LASP1: variants seen among roughly 807,000 people sequenced by gnomAD.
The protein encoded by LASP1 is LIM and SH3 domain protein 1.
A neutral mutation model predicts 38.6 loss-of-function variants in LASP1; 10 were observed. The observed-to-expected ratio is 0.26, with a 90% CI of 0.16 to 0.44. LASP1 has a LOEUF of 0.44. Ranked by LOEUF, LASP1 falls within the 20% of genes least tolerant of loss-of-function variation. The probability of loss-of-function intolerance (pLI) is 1.00; values close to 1 mark genes in which losing one functional copy is unlikely to be tolerated. For missense variants in LASP1, 243 were observed against 375.7 expected (o/e 0.65, Z 2.92); for synonymous variants, 132 against 140.8 (o/e 0.94, Z 0.44).
intron 2 of LASP1, among the ~76,000 whole-genome samples, chr17:38,883,243 G>A (rs1398929091): frequency 6.6e-6 from 1 of 152,100 alleles, no homozygotes; most frequent in Non-Finnish European, 1.5e-5. Context: ...AGCCGAGTGT[G>A]GTGGTGTGGG....
chr17:38,890,273 G>A, intron 2 of LASP1, 147 bp from the exon 3 acceptor site: 1 of 658,450 alleles, frequency 1.5e-6, no homozygotes, highest in Non-Finnish European at 2.7e-6. Context: ...CGGCCTTGGT[G>A]GTGGACACTG....
chr17:38,891,901 C>T (rs1914336395), intron 3 of LASP1, among the ~76,000 whole-genome samples: 1 of 151,948 alleles, frequency 6.6e-6, no homozygotes, highest in Non-Finnish European at 1.5e-5. Flanking sequence ...TCGAGACCAG[C>T]TGGGGCAACA....
In LASP1 at chr17:38,875,056, C is replaced by CGTGTGTGTGTGTGTGTGTGT. The variant is rs3220064; in HGVS notation, c.70-3016_70-2997dup. 9.8e-3 allele frequency among the ~76,000 whole-genome samples: 1,376 copies of CGTGTGTGTGTGTGTGTGTGT among 140,326 alleles called. 14 individuals are homozygous for CGTGTGTGTGTGTGTGTGTGT. The highest frequency in any genetic ancestry group is 0.046 in the East Asian group (210 of 4,540). 92.1% of individuals were successfully genotyped at this position (140,326 alleles called of 152,430 possible). On this transcript the variant is annotated intron_variant, in intron 1 of 6. Coordinates refer to ENST00000318008, the MANE Select transcript of LASP1 (RefSeq NM_006148.4). ...GGTCCTAGGACAGTGTGTAGCCCTT[C>CGTGTGTGTGTGTGTGTGTGT]GTGTGTGTGTGTGTGTGTGTGTGTG...
intron 4 of LASP1, among the ~76,000 whole-genome samples, 177 bp from the exon 5 acceptor site, chr17:38,914,148 T>C (rs530070637): frequency 6.6e-6 from 1 of 152,302 alleles, no homozygotes; most frequent in Admixed American, 6.5e-5. Flanking sequence ...AAACTGAGGC[T>C]TGGCAAGATT....
Position 38,870,240 on chromosome 17 carries a change from G to A in LASP1, c.51G>A (p.Lys17=), listed in dbSNP as rs1913558006. 6.2e-7 allele frequency: 1 copy of A among 1,613,634 alleles called. No individual in the cohort carries two copies. Among genetic ancestry groups the A allele is most frequent in the Non-Finnish European group, 8.5e-7 (1 of 1,179,764 alleles). Residue 17 remains lysine (K), a synonymous_variant, in exon 1 of 7, where the codon AAG becomes AAA. Transcript: ENST00000318008. ...RCGKIVYPTE[K]VNCLDKFWHK... is the part of the protein sequence containing the mutation. ...GCAAGATCGTGTATCCCACGGAGAA[G>A]GTGAACTGTCTGGATAAGGTGAGCC... is the stretch of plus-strand genomic sequence containing the variant.
intron 4 of LASP1, chr17:38,904,268 T>G (rs2143803138): frequency 6.6e-6 from 1 of 152,234 alleles, no homozygotes; most frequent in East Asian, 1.9e-4. Flanking sequence ...CTGGGGAATA[T>G]GAGAGGCAGA....
chr17:38,918,511 G>C lies in LASP1; in HGVS notation c.613-94G>C. 7.9e-7 allele frequency: 1 copy of C among 1,262,112 alleles called. No individual in the cohort carries two copies. The allele number at this position is 1,262,112 out of a possible 1,614,324, so 78.2% of individuals were successfully genotyped here. ...ATTTCTGAGTTCACTGCTCCCCCAG[G>C]CTCTGCTCCAGGGTCGTGGAGAGTT... On this transcript the variant is annotated intron_variant, in intron 6 of 6. Coordinates refer to ENST00000318008, the MANE Select transcript of LASP1 (RefSeq NM_006148.4). This position sits in a 1 kb window ranked among gnomAD's most constrained non-coding sequence, Gnocchi z 4.4.
At chr17:38,917,677 T>C (rs1018885726) in intron 6 of LASP1, among the ~76,000 whole-genome samples, 1 of 151,848 alleles carries the variant, frequency 6.6e-6, no homozygotes, top group Non-Finnish European at 1.5e-5. Context: ...AGGGCATGTT[T>C]TTTCTGTTTT....
intron 2 of LASP1, among the ~76,000 whole-genome samples, chr17:38,881,079 C>T (rs192836319): frequency 3.3e-5 from 5 of 151,952 alleles, no homozygotes; most frequent in East Asian, 3.9e-4. Context: ...TCAGTCTGAG[C>T]GACAGAGCGA....
chr17:38,890,097 G>A, intron 2 of LASP1: 3 of 294,770 alleles, frequency 1.0e-5, no homozygotes, highest in Non-Finnish European at 2.0e-5. Flanking sequence ...GTAGGCACAA[G>A]GCATGGATTA....
chr17:38,875,277 G>A (rs1913735868), intron 1 of LASP1, among the ~76,000 whole-genome samples: 1 of 152,112 alleles, frequency 6.6e-6, no homozygotes, highest in Non-Finnish European at 1.5e-5. Flanking sequence ...ACTCGGGGAG[G>A]GAGTGGGGCT....
At position 38,889,778 on chromosome 17, in the gene LASP1, C is replaced by T. The variant is rs754931241; in HGVS notation, c.165-642C>T. On this transcript the variant is annotated intron_variant, in intron 2 of 6. Coordinates refer to ENST00000318008, the MANE Select transcript of LASP1 (RefSeq NM_006148.4). ...CTGAGCATTTCCAATAAGGGATACT[C>T]AACCTGTATTTTACCTGTCACCCTC... Among the ~76,000 whole-genome samples the T allele has an allele frequency of 7.9e-5, 12 of 152,274 alleles. No homozygotes were observed. In the Middle Eastern group the frequency reaches 0.01, roughly 129 times the overall value.
At chr17:38,916,020 A>C (rs1915111368) in intron 6 of LASP1, 1 of 152,256 alleles carries the variant, frequency 6.6e-6, no homozygotes, top group Non-Finnish European at 1.5e-5. Flanking sequence ...CTGTGGGCGC[A>C]AGAGTTAGTC....
chr17:38,909,762 T>TTC (rs1914879329), intron 4 of LASP1, among the ~76,000 whole-genome samples: 6 of 119,272 alleles, frequency 5.0e-5, no homozygotes, highest in East Asian at 2.6e-4. Flanking sequence ...TTCATTCATT[T>TTC]GTTTTGAGAT....
intron 1 of LASP1, among the ~76,000 whole-genome samples, chr17:38,873,074 G>A: frequency 6.6e-6 from 1 of 152,092 alleles, no homozygotes; most frequent in Middle Eastern, 3.2e-3. Context: ...TGTATCTAGG[G>A]AGCTGTGTTG....
intron 4 of LASP1, among the ~76,000 whole-genome samples, chr17:38,914,110 A>G (rs1915038235): frequency 6.6e-6 from 1 of 152,002 alleles, no homozygotes; most frequent in African/African-American, 2.4e-5. Flanking sequence ...TGTCTGAGGG[A>G]GACTGGTGTC....
At chr17:38,876,538 A>G (rs1598103556) in intron 1 of LASP1, among the ~76,000 whole-genome samples, 1 of 148,636 alleles carries the variant, frequency 6.7e-6, no homozygotes, top group Non-Finnish European at 1.5e-5. Flanking sequence ...ATTTTTTTGT[A>G]TTTTTAGTAG....
At chr17:38,901,292 C>T (rs527533995) in intron 4 of LASP1, among the ~76,000 whole-genome samples, 1 of 152,200 alleles carries the variant, frequency 6.6e-6, no homozygotes, top group African/African-American at 2.4e-5. Flanking sequence ...ACAAAACTCA[C>T]CACCCTGGCC....
At chr17:38,870,579 C>G (rs1465652865) in intron 1 of LASP1, among the ~76,000 whole-genome samples, 1 of 152,128 alleles carries the variant, frequency 6.6e-6, no homozygotes, top group Non-Finnish European at 1.5e-5. Context: ...GGTGCAGTCC[C>G]GCCCCCTACG....
Sources: allele counts gnomAD v4.1 joint callset (sites outside exome capture counted in the v4.1 genomes callset), GRCh38; gene constraint gnomAD v4.1.1; non-coding constraint Gnocchi (gnomAD v3.1); transcripts MANE v1.5; gene names NCBI Gene and HGNC (gene_info 2026-07-23, HGNC 2026-07-21).